LPP: variants seen among roughly 807,000 people sequenced by gnomAD.
The protein encoded by LPP is LIM domain containing preferred translocation partner in lipoma, also known as lipoma-preferred partner.
In LPP, 38 loss-of-function variants were observed where a neutral mutation model predicts 60.4. The ratio of observed to expected loss-of-function variants is 0.63; its 90% CI spans 0.49 to 0.83. LPP has a LOEUF of 0.83. Ranked by LOEUF, LPP falls within the 40% of genes least tolerant of loss-of-function variation. The pLI is 0.00. For synonymous variants in LPP, 328 were observed against 290.8 expected (o/e 1.13, Z -1.30); for missense variants, 902 against 783.6 (o/e 1.15, Z -1.80).
At chr3:188,690,227 G>T (rs1301095905) in intron 7 of LPP, among the ~76,000 whole-genome samples, 1 of 152,154 alleles carries the variant, frequency 6.6e-6, no homozygotes, top group Admixed American at 6.5e-5. Flanking sequence ...CAGGCTTGGG[G>T]CATAAATCCT....
intron 3 of LPP, among the ~76,000 whole-genome samples, chr3:188,355,986 T>A (rs551266781): frequency 1.1e-4 from 17 of 152,312 alleles, no homozygotes; most frequent in African/African-American, 3.8e-4. Context: ...TTAGAGTGGT[T>A]TGATTTTGTG....
chr3:188,306,090 A>C (rs547603915), intron 2 of LPP, among the ~76,000 whole-genome samples: 16 of 150,614 alleles, frequency 1.1e-4, no homozygotes, highest in Admixed American at 4.0e-4. Context: ...CTTTTCTTTT[A>C]TTTTTTTTGA....
At chr3:188,286,038 T>C (rs933477738) in intron 2 of LPP, among the ~76,000 whole-genome samples, 1 of 152,110 alleles carries the variant, frequency 6.6e-6, no homozygotes, top group Admixed American at 6.5e-5. Context: ...GACCCACTTA[T>C]ATGGAGGCGG....
chr3:188,783,119 C>T (rs998105558), intron 9 of LPP, among the ~76,000 whole-genome samples: 2 of 152,138 alleles, frequency 1.3e-5, no homozygotes, highest in Admixed American at 1.3e-4. Flanking sequence ...CTTTATCCTA[C>T]CCAATGGGAT....
chr3:188,311,657 T>A (rs1753492806), intron 2 of LPP, among the ~76,000 whole-genome samples: 1 of 143,778 alleles, frequency 7.0e-6, no homozygotes, highest in African/African-American at 2.6e-5. Flanking sequence ...CTGTTTTTTT[T>A]CTGTTTTCTG....
At position 188,609,539 on chromosome 3, in the gene LPP, G is replaced by A. The variant is rs1275870991; in HGVS notation, c.808G>A (p.Gly270Ser). 6 of 1,614,166 alleles carry A rather than the reference G, an allele frequency of 3.7e-6. No homozygotes were observed. Among genetic ancestry groups the A allele is most frequent in the Non-Finnish European group, 4.2e-6 (5 of 1,180,036 alleles). Reference protein sequence around the residue: ...GQCPPPSTRGGMDYAYIPPPG... With the variant: ...GQCPPPSTRGSMDYAYIPPPG... ...GTGTCCACCTCCTTCAACACGGGGA[G>A]GCATGGATTATGCCTACATTCCACC... Residue 270 changes from glycine (G) to serine (S), a missense_variant, in exon 7 of 12, where the codon GGC (glycine) becomes AGC (serine). Coordinates refer to ENST00000617246, the MANE Select transcript of LPP (RefSeq NM_001375462.1). This position sits in a 1 kb window ranked among gnomAD's most constrained non-coding sequence, Gnocchi z 6.9.
chr3:188,745,525 G>A (rs1725860090), intron 8 of LPP, among the ~76,000 whole-genome samples: 1 of 152,022 alleles, frequency 6.6e-6, no homozygotes, highest in Non-Finnish European at 1.5e-5. Context: ...CTGCTATGTT[G>A]GCCCATAATT....
At chr3:188,521,306 G>C (rs924598006) in intron 5 of LPP, among the ~76,000 whole-genome samples, 22 of 152,160 alleles carry the variant, frequency 1.4e-4, no homozygotes, top group Admixed American at 3.9e-4. Flanking sequence ...TCTGAACTTA[G>C]AGGGTAGGGA....
intron 9 of LPP, among the ~76,000 whole-genome samples, chr3:188,837,298 G>A (rs1341460018): frequency 6.6e-6 from 1 of 151,748 alleles, no homozygotes; most frequent in Non-Finnish European, 1.5e-5. Flanking sequence ...AGAATTGCTT[G>A]AACCTGGGAG....
intron 4 of LPP, among the ~76,000 whole-genome samples, chr3:188,468,888 A>G (rs1210922115): frequency 1.3e-5 from 2 of 152,178 alleles, no homozygotes; most frequent in African/African-American, 4.8e-5. Context: ...GGAGGGAACA[A>G]GTTCCTCACT....
chr3:188,305,344 G>A (rs1026620234), intron 2 of LPP, among the ~76,000 whole-genome samples: 3 of 152,276 alleles, frequency 2.0e-5, no homozygotes, highest in Admixed American at 6.5e-5. Flanking sequence ...CTTAACATTG[G>A]TAGCAGGTGT....
chr3:188,461,339 T>G (rs2149433509), intron 4 of LPP, among the ~76,000 whole-genome samples: 1 of 152,212 alleles, frequency 6.6e-6, no homozygotes, highest in South Asian at 2.1e-4. Context: ...AAAATAAAAT[T>G]AAAAGGCAAT....
intron 8 of LPP, among the ~76,000 whole-genome samples, chr3:188,756,932 C>T (rs1730462287): frequency 6.6e-6 from 1 of 152,182 alleles, no homozygotes; most frequent in Non-Finnish European, 1.5e-5. Flanking sequence ...GCTGAGAAGG[C>T]AATTCCGTGT....
chr3:188,240,128 A>C (rs552834146), intron 2 of LPP: 1 of 191,396 alleles, frequency 5.2e-6, no homozygotes, highest in Non-Finnish European at 1.1e-5. Flanking sequence ...GATGATGGAG[A>C]GACTGCTGGA....
At chr3:188,639,462 A>T (rs1159049253) in intron 7 of LPP, among the ~76,000 whole-genome samples, 1 of 151,992 alleles carries the variant, frequency 6.6e-6, no homozygotes, top group African/African-American at 2.4e-5. Context: ...ACGGGCAAGG[A>T]CTTCATGTCT....
At chr3:188,397,427 T>C (rs1781208651) in intron 3 of LPP, among the ~76,000 whole-genome samples, 1 of 152,146 alleles carries the variant, frequency 6.6e-6, no homozygotes, top group Admixed American at 6.5e-5. Flanking sequence ...CCTTGACTGA[T>C]AGAAACTGTG....
chr3:188,188,931 G>T (rs1185007624), intron 1 of LPP, among the ~76,000 whole-genome samples: 1 of 150,658 alleles, frequency 6.6e-6, no homozygotes, highest in East Asian at 2.1e-4. Flanking sequence ...CATACTAAAA[G>T]AATATGTACC....
chr3:188,418,342 T>C lies in LPP; in HGVS notation c.193+12029T>C, dbSNP rs561895413. 2.0e-5 allele frequency among the ~76,000 whole-genome samples: 3 copies of C among 152,276 alleles called. No individual in the cohort carries two copies. In the South Asian group the frequency reaches 6.2e-4, roughly 32 times the overall value. On this transcript the variant is annotated intron_variant, in intron 4 of 11. Coordinates refer to ENST00000617246, the MANE Select transcript of LPP (RefSeq NM_001375462.1). ...CAGTATCTTAACTATTTGAAAAATATTGTAGTGGATTTATTAGCTTCCATT... is the reference window on the plus strand; with the variant it reads ...CAGTATCTTAACTATTTGAAAAATACTGTAGTGGATTTATTAGCTTCCATT...
In LPP at chr3:188,495,737, C is replaced by G. The variant is rs566815778; in HGVS notation, c.306+11033C>G. Among the ~76,000 whole-genome samples the G allele has an allele frequency of 6.6e-5, 10 of 152,212 alleles. No individual in the cohort carries two copies. In the South Asian group the frequency reaches 1.2e-3, roughly 19 times the overall value. On this transcript the variant is annotated intron_variant, in intron 5 of 11. Transcript: ENST00000617246. ...TTATCCATGGATTTGGTACGAAAGC[C>G]CTATTGGGCCCACAAATCTTTCGGT...
Sources: allele counts gnomAD v4.1 joint callset (sites outside exome capture counted in the v4.1 genomes callset), GRCh38; gene constraint gnomAD v4.1.1; non-coding constraint Gnocchi (gnomAD v3.1); transcripts MANE v1.5; gene names NCBI Gene and HGNC (gene_info 2026-07-23, HGNC 2026-07-21).